The following PLXDC2 variants were observed in gnomAD, a reference collection of about 807,000 sequenced individuals.
PLXDC2 encodes the protein plexin domain-containing protein 2.
PLXDC2 carries 40 observed loss-of-function variants against 68.9 expected under a neutral mutation model. That is an observed-to-expected ratio of 0.58 (90% CI 0.45 to 0.76). The LOEUF is 0.76. Ranked by LOEUF, PLXDC2 falls within the 30% of genes least tolerant of loss-of-function variation. The pLI is 0.00. For synonymous variants in PLXDC2, 243 were observed against 234.2 expected (o/e 1.04, Z -0.34); for missense variants, 644 against 661.9 (o/e 0.97, Z 0.30).
intron 1 of PLXDC2, among the ~76,000 whole-genome samples, chr10:19,988,684 T>C (rs1279661932): frequency 6.6e-6 from 1 of 151,996 alleles, no homozygotes; most frequent in Non-Finnish European, 1.5e-5. Flanking sequence ...TTCAGTATTG[T>C]TATTTTCTGG....
chr10:20,139,753 A>T (rs1833976807), intron 4 of PLXDC2, among the ~76,000 whole-genome samples: 1 of 152,080 alleles, frequency 6.6e-6, no homozygotes, highest in African/African-American at 2.4e-5. Flanking sequence ...CTAATACAGG[A>T]ACAGAAAACC....
intron 1 of PLXDC2, among the ~76,000 whole-genome samples, chr10:19,981,272 A>G (rs1279039399): frequency 6.6e-6 from 1 of 152,214 alleles, no homozygotes; most frequent in Admixed American, 6.5e-5. Flanking sequence ...AATTTGAACA[A>G]TTTAGTGTTT....
intron 4 of PLXDC2, among the ~76,000 whole-genome samples, chr10:20,112,983 G>C (rs1475869374): frequency 4.6e-5 from 7 of 152,330 alleles, no homozygotes; most frequent in South Asian, 2.1e-4. Flanking sequence ...TAGTTTGCCA[G>C]TGTGTGTTCA....
chr10:19,851,073 CA>C (rs1288521424), intron 1 of PLXDC2, among the ~76,000 whole-genome samples: 8 of 152,016 alleles, frequency 5.3e-5, no homozygotes, highest in Non-Finnish European at 1.0e-4. Context: ...GATATAAAAA[CA>C]AAGTATTTTA....
At chr10:20,154,281 A>G (rs533126100) in intron 6 of PLXDC2, among the ~76,000 whole-genome samples, 19 of 152,230 alleles carry the variant, frequency 1.2e-4, no homozygotes, top group South Asian at 1.0e-3. Flanking sequence ...TTTTATTCCA[A>G]TGGCCGGGTA....
At chr10:19,919,362 G>A (rs535019543) in intron 1 of PLXDC2, among the ~76,000 whole-genome samples, 1 of 152,036 alleles carries the variant, frequency 6.6e-6, no homozygotes, top group African/African-American at 2.4e-5. Flanking sequence ...CTTGCATGTA[G>A]GCACTTGCTA....
chr10:20,197,619 G>C (rs1834857390), intron 9 of PLXDC2, among the ~76,000 whole-genome samples: 1 of 152,058 alleles, frequency 6.6e-6, no homozygotes, highest in Non-Finnish European at 1.5e-5. Flanking sequence ...GCCTCCCAAA[G>C]TGCTGGGATT....
At chr10:20,138,530 C>G (rs1352502340) in intron 4 of PLXDC2, among the ~76,000 whole-genome samples, 1 of 152,178 alleles carries the variant, frequency 6.6e-6, no homozygotes, top group African/African-American at 2.4e-5. Context: ...GCAAATTGCC[C>G]AGCCTTATTA....
intron 1 of PLXDC2, among the ~76,000 whole-genome samples, chr10:19,980,863 G>C (rs1834540129): frequency 6.6e-6 from 1 of 152,082 alleles, no homozygotes; most frequent in South Asian, 2.1e-4. Flanking sequence ...AAATCTTAGG[G>C]AGATGCAAAC....
rs528254682 is a variant in PLXDC2 at position 20,143,470 on chromosome 10, C to T, written c.664+53C>T. The T allele has an allele frequency of 3.1e-6, 5 of 1,598,964 alleles. No individual in the cohort carries two copies. In the South Asian group the frequency reaches 3.3e-5, roughly 11 times the overall value. On this transcript the variant is annotated intron_variant, in intron 5 of 13. Coordinates refer to ENST00000377252, the MANE Select transcript of PLXDC2 (RefSeq NM_032812.9). ...TGCATGTATATTTTTAAACCTCAAG[C>T]ATCAGATTCATGTTAATGTTTTTGT... is the stretch of plus-strand genomic sequence containing the variant.
At chr10:19,908,506 A>G (rs1314755991) in intron 1 of PLXDC2, among the ~76,000 whole-genome samples, 1 of 152,208 alleles carries the variant, frequency 6.6e-6, no homozygotes, top group Non-Finnish European at 1.5e-5. Context: ...ACTGATTAAG[A>G]ACATTCTTCT....
intron 1 of PLXDC2, among the ~76,000 whole-genome samples, chr10:19,826,455 C>A (rs951631549): frequency 1.3e-5 from 2 of 152,038 alleles, no homozygotes; most frequent in Non-Finnish European, 2.9e-5. Flanking sequence ...ACAGGAGGGT[C>A]ATTTTAGTTT....
chr10:20,008,328 G>A (rs1255130910), intron 2 of PLXDC2, among the ~76,000 whole-genome samples: 1 of 152,130 alleles, frequency 6.6e-6, no homozygotes, highest in Non-Finnish European at 1.5e-5. Flanking sequence ...GCCGAGGCAG[G>A]TGGACCACTT....
chr10:20,156,969 G>A (rs2131807019), intron 6 of PLXDC2, among the ~76,000 whole-genome samples: 1 of 152,292 alleles, frequency 6.6e-6, no homozygotes, highest in Middle Eastern at 3.4e-3. Flanking sequence ...ATCCAGGCTG[G>A]AGTGCAATGG....
chr10:20,080,654 C>A (rs539502581), intron 4 of PLXDC2, among the ~76,000 whole-genome samples: 2 of 152,286 alleles, frequency 1.3e-5, no homozygotes, highest in East Asian at 1.9e-4. Flanking sequence ...TGGTGCCCAA[C>A]CCCATTGAGG....
chr10:20,246,256 TGGAGACCA>T (rs772843074), intron 13 of PLXDC2, among the ~76,000 whole-genome samples: 1 of 152,234 alleles, frequency 6.6e-6, no homozygotes, highest in Admixed American at 6.5e-5. Context: ...CCAGCAAGCC[TGGAGACCA>T]GTGGATACAG....
rs575510537 is a variant in PLXDC2, at chr10:20,061,452, A to G, written c.472-6718A>G. 3.3e-5 allele frequency among the ~76,000 whole-genome samples: 5 copies of G among 152,316 alleles called. No individual in the cohort carries two copies. The South Asian group carries it at 1.0e-3, about 32-fold the overall frequency. ...GATATTTTGTCCTTCCTCGTGCATC[A>G]TATCATGAGGTACATGATGACAATA... On this transcript the variant is annotated intron_variant, in intron 3 of 13. Coordinates refer to ENST00000377252, the MANE Select transcript of PLXDC2 (RefSeq NM_032812.9).
chr10:20,198,298 G>A (rs1048165317), intron 9 of PLXDC2, among the ~76,000 whole-genome samples: 3 of 152,072 alleles, frequency 2.0e-5, no homozygotes, highest in African/African-American at 7.2e-5. Context: ...TTTATTAATT[G>A]TTCTTTGCGT....
In PLXDC2 at chr10:20,211,747, T is replaced by A. The variant is rs535090269; in HGVS notation, c.1122+18T>A. The A allele has an allele frequency of 6.2e-7, 1 of 1,611,008 alleles. No homozygotes were observed. The highest frequency in any genetic ancestry group is 1.1e-5 in the South Asian group (1 of 90,936). ...CTGAAGAGGTACACATGCTTTATTG[T>A]GACAGAATCCTGGGACCAAGCTGTC... On this transcript the variant is annotated intron_variant, in intron 10 of 13. Transcript: ENST00000377252.
Sources: gnomAD v4.1 joint callset for allele counts (sites outside exome capture counted in the v4.1 genomes callset) on GRCh38, gnomAD v4.1.1 for gene constraint, MANE v1.5 for transcripts, NCBI Gene and HGNC (gene_info 2026-07-23, HGNC 2026-07-21) for gene names.